The following PDE8A variants were observed in gnomAD, a reference collection of about 807,000 sequenced individuals.
PDE8A encodes phosphodiesterase 8A, also known as high affinity cAMP-specific and IBMX-insensitive 3',5'-cyclic phosphodiesterase 8A.
Under a neutral mutation model 105.0 loss-of-function variants are expected in PDE8A, and 59 were observed. The observed-to-expected ratio is 0.56, with a 90% confidence interval of 0.46 to 0.70. PDE8A has a LOEUF of 0.70. Ranked by LOEUF, PDE8A falls within the 30% of genes least tolerant of loss-of-function variation. The pLI is 0.00. For synonymous variants in PDE8A, 355 were observed against 371.9 expected (o/e 0.95, Z 0.52); for missense variants, 1,014 against 1,045.9 (o/e 0.97, Z 0.42).
chr15:85,128,357 T>A (rs1412928385), intron 20 of PDE8A, among the ~76,000 whole-genome samples: 2 of 152,082 alleles, frequency 1.3e-5, no homozygotes, highest in East Asian at 3.9e-4. Flanking sequence ...AAAATTTTTT[T>A]AATTAGTTGC....
In PDE8A at chr15:85,069,346, A is replaced by T. The variant is rs374120674; in HGVS notation, c.434+2142A>T. ...AGCCTCTCCTCAGGACCTGGGGCTC[A>T]CTAAGTGAAACCCTGAGATTTAGAA... On this transcript the variant is annotated intron_variant, in intron 3 of 21. Coordinates refer to ENST00000394553, the MANE Select transcript of PDE8A (RefSeq NM_002605.3). Among the ~76,000 whole-genome samples the T allele has an allele frequency of 4.6e-5, 7 of 152,194 alleles. No homozygotes were observed. In the East Asian group the frequency reaches 9.6e-4, roughly 21 times the overall value.
chr15:85,091,969 T>A (rs896928435), intron 8 of PDE8A, among the ~76,000 whole-genome samples: 1 of 140,842 alleles, frequency 7.1e-6, no homozygotes, highest in Non-Finnish European at 1.5e-5. Flanking sequence ...TTTCAAACAT[T>A]TGAAAAATTG....
intron 1 of PDE8A, among the ~76,000 whole-genome samples, chr15:85,057,859 C>A (rs936425892): frequency 6.6e-6 from 1 of 152,142 alleles, no homozygotes; most frequent in Non-Finnish European, 1.5e-5. Flanking sequence ...TTTCATATGT[C>A]AATACATCCT....
intron 16 of PDE8A, among the ~76,000 whole-genome samples, chr15:85,117,163 T>G (rs551883892): frequency 8.6e-4 from 131 of 152,306 alleles, no homozygotes; most frequent in African/African-American, 3.1e-3. Flanking sequence ...GTTGAGAAAA[T>G]TCCATTGCAT....
intron 1 of PDE8A, among the ~76,000 whole-genome samples, chr15:85,046,259 G>A (rs1426477472): frequency 6.6e-6 from 1 of 151,964 alleles, no homozygotes; most frequent in African/African-American, 2.4e-5. Context: ...ATGTTGGCTA[G>A]GCTGGTCTTG....
At chr15:84,994,668 A>G (rs1289180744) in intron 1 of PDE8A, among the ~76,000 whole-genome samples, 1 of 152,146 alleles carries the variant, frequency 6.6e-6, no homozygotes, top group Non-Finnish European at 1.5e-5. Context: ...GATATATTTT[A>G]AAGTAATTGC....
intron 3 of PDE8A, among the ~76,000 whole-genome samples, chr15:85,070,203 T>G (rs1793316475): frequency 6.6e-6 from 1 of 152,218 alleles, no homozygotes; most frequent in South Asian, 2.1e-4. Context: ...TCTAAATGAC[T>G]AGCATTCACC....
chr15:85,093,731 C>T (rs1269622078), intron 8 of PDE8A, among the ~76,000 whole-genome samples: 1 of 152,200 alleles, frequency 6.6e-6, no homozygotes, highest in Non-Finnish European at 1.5e-5. Flanking sequence ...TCTTTGCATC[C>T]TATATGTATA....
intron 1 of PDE8A, chr15:85,064,062 C>T (rs796387292): frequency 7.7e-6 from 2 of 258,232 alleles, no homozygotes; most frequent in African/African-American, 4.5e-5. Context: ...TGGCCTTTAA[C>T]AAATGAGAAG....
chr15:85,100,821 G>T (rs1290757571), intron 11 of PDE8A, among the ~76,000 whole-genome samples: 2 of 152,204 alleles, frequency 1.3e-5, no homozygotes, highest in Non-Finnish European at 2.9e-5. Context: ...TCCGTCAAGT[G>T]TCTGTGTAGA....
At chr15:85,076,372 T>C (rs1318428103) in intron 4 of PDE8A, among the ~76,000 whole-genome samples, 3 of 151,926 alleles carry the variant, frequency 2.0e-5, no homozygotes, top group East Asian at 1.9e-4. Flanking sequence ...CTATGTACTT[T>C]AAAGTTTTTT....
At chr15:85,122,957 A>G (rs1278982169) in intron 18 of PDE8A, 104 bp from the exon 19 acceptor site, 32 of 1,170,232 alleles carry the variant, frequency 2.7e-5, no homozygotes, top group Non-Finnish European at 3.8e-5. Flanking sequence ...CATTAGATTT[A>G]TAGCTGCAGA....
chr15:85,081,190 T>C (rs763068503), intron 5 of PDE8A, among the ~76,000 whole-genome samples: 1 of 152,304 alleles, frequency 6.6e-6, no homozygotes, highest in Non-Finnish European at 1.5e-5. Context: ...GTACAGGGGA[T>C]GGGGCATAGG....
intron 3 of PDE8A, among the ~76,000 whole-genome samples, chr15:85,073,165 C>G (rs372478258): frequency 6.9e-4 from 105 of 152,290 alleles, no homozygotes; most frequent in African/African-American, 2.3e-3. Context: ...ACACTGCTTT[C>G]AGAATCTCAT....
At chr15:85,129,730 C>T (rs1371624689) in intron 20 of PDE8A, among the ~76,000 whole-genome samples, 8 of 151,974 alleles carry the variant, frequency 5.3e-5, no homozygotes, top group Admixed American at 1.3e-4. Context: ...CTTTTGCTAG[C>T]GTTAGGTTTA....
rs964960124 is a variant in PDE8A, at chr15:85,024,809, T to C, written c.187-39561T>C. ...TCTCTGCTTCTAGTGTGTCTCATGC[T>C]GGTGTTTGTTGGCTCAGATGTGTTA... On this transcript the variant is annotated intron_variant, in intron 1 of 21. Transcript: ENST00000394553. 6.6e-5 allele frequency among the ~76,000 whole-genome samples: 10 copies of C among 152,202 alleles called. No homozygotes were observed. The South Asian group carries it at 2.1e-3, about 32-fold the overall frequency.
intron 1 of PDE8A, among the ~76,000 whole-genome samples, chr15:84,998,043 A>G (rs1023979256): frequency 6.6e-6 from 1 of 152,238 alleles, no homozygotes; most frequent in Non-Finnish European, 1.5e-5. Context: ...AAAAAGCCCT[A>G]AATTAAAAAT....
At chr15:85,016,632 G>A (rs1011074223) in intron 1 of PDE8A, among the ~76,000 whole-genome samples, 3 of 152,056 alleles carry the variant, frequency 2.0e-5, no homozygotes, top group Admixed American at 2.0e-4. Flanking sequence ...GGCTGTTCTT[G>A]CTTGTTTGTT....
chr15:85,094,681 C>T (rs894915355), intron 8 of PDE8A, among the ~76,000 whole-genome samples: 13 of 152,174 alleles, frequency 8.5e-5, no homozygotes, highest in African/African-American at 2.2e-4. Flanking sequence ...CCTTCCTCCC[C>T]GTTGGTCCCC....
Sources: allele counts gnomAD v4.1 joint callset (sites outside exome capture counted in the v4.1 genomes callset), GRCh38; gene constraint gnomAD v4.1.1; transcripts MANE v1.5; gene names NCBI Gene and HGNC (gene_info 2026-07-23, HGNC 2026-07-21).